The following FAM222B variants were observed in gnomAD, a reference collection of about 807,000 sequenced individuals.
FAM222B encodes family with sequence similarity 222 member B.
In FAM222B, 12 loss-of-function variants were observed where a neutral mutation model predicts 38.0. That is an observed-to-expected ratio of 0.32 (90% CI 0.20 to 0.51). FAM222B has a LOEUF of 0.51. Ranked by LOEUF, FAM222B falls within the 20% of genes least tolerant of loss-of-function variation. The pLI is 0.97. For synonymous variants in FAM222B, 329 were observed against 317.2 expected (o/e 1.04, Z -0.40); for missense variants, 716 against 754.2 (o/e 0.95, Z 0.59).
intron 1 of FAM222B, among the ~76,000 whole-genome samples, chr17:28,800,666 C>A (rs1014572206): frequency 6.6e-6 from 1 of 152,048 alleles, no homozygotes; most frequent in Non-Finnish European, 1.5e-5. Context: ...ATGAAAGGTT[C>A]TTTTTGTCTC....
intron 1 of FAM222B, among the ~76,000 whole-genome samples, chr17:28,770,108 TACC>T (rs1437551096): frequency 1.3e-5 from 2 of 152,176 alleles, no homozygotes; most frequent in East Asian, 1.9e-4. Context: ...CCTCACTTTT[TACC>T]ACCATCATTA....
At chr17:28,847,229 A>G (rs923905998), upstream of FAM222B, among the ~76,000 whole-genome samples, 1 of 151,742 alleles carries the variant, frequency 6.6e-6, no homozygotes, top group Non-Finnish European at 1.5e-5. Flanking sequence ...AAAAGAAAAA[A>G]AAAAGAAAAA....
At chr17:28,801,738 T>C (rs1323669088) in intron 1 of FAM222B, among the ~76,000 whole-genome samples, 3 of 152,074 alleles carry the variant, frequency 2.0e-5, no homozygotes, top group Admixed American at 2.0e-4. Context: ...ATGAGCTGTC[T>C]TCAACTTCTC....
At position 28,756,839 on chromosome 17, in the gene FAM222B, A is replaced by C. The variant is rs2034721543; in HGVS notation, c.*1431T>G. 1 of 152,524 alleles carries C rather than the reference A, an allele frequency of 6.6e-6. No individual in the cohort carries two copies. Among genetic ancestry groups the C allele is most frequent in the South Asian group, 2.1e-4 (1 of 4,828 alleles). The allele number at this position is 152,524 out of a possible 1,614,324, so 9.4% of individuals were successfully genotyped here. ...ACTAGAGAATTTCTGGCTAACGAACAGTAGTGGATAGTGAACAAAATGCAA... is the reference window on the plus strand; with the variant it reads ...ACTAGAGAATTTCTGGCTAACGAACCGTAGTGGATAGTGAACAAAATGCAA... On this transcript the variant is annotated 3_prime_UTR_variant, in exon 3 of 3. Coordinates refer to ENST00000581407, the MANE Select transcript of FAM222B (RefSeq NM_001077498.3).
At chr17:28,787,826 CTTTT>C (rs59467944) in intron 1 of FAM222B, among the ~76,000 whole-genome samples, 4 of 130,174 alleles carry the variant, frequency 3.1e-5, no homozygotes, top group Admixed American at 8.0e-5. Flanking sequence ...ATAAAGTAGT[CTTTT>C]TTTTTTTTTT....
intron 1 of FAM222B, among the ~76,000 whole-genome samples, chr17:28,822,831 A>T (rs2038296560): frequency 1.1e-5 from 1 of 89,090 alleles, no homozygotes; most frequent in Non-Finnish European, 2.0e-5. Flanking sequence ...AAAAAAAAAA[A>T]AATATATATA....
chr17:28,829,804 C>T (rs991435332), intron 1 of FAM222B, among the ~76,000 whole-genome samples: 1 of 151,972 alleles, frequency 6.6e-6, no homozygotes, highest in African/African-American at 2.4e-5. Flanking sequence ...TTTGTGAACA[C>T]AGATTTTTAT....
At chr17:28,833,412 T>C (rs1567900640) in intron 1 of FAM222B, among the ~76,000 whole-genome samples, 1 of 150,940 alleles carries the variant, frequency 6.6e-6, no homozygotes, top group Non-Finnish European at 1.5e-5. Flanking sequence ...AGGTCAGGAG[T>C]TCGAGACTAC....
chr17:28,837,487 T>C (rs904471312), intron 1 of FAM222B, among the ~76,000 whole-genome samples: 3 of 151,738 alleles, frequency 2.0e-5, no homozygotes, highest in African/African-American at 7.2e-5. Context: ...CAAATCTGAT[T>C]ACCCCTCCTT....
At chr17:28,820,031 C>G (rs1477193044) in intron 1 of FAM222B, among the ~76,000 whole-genome samples, 1 of 152,164 alleles carries the variant, frequency 6.6e-6, no homozygotes, top group African/African-American at 2.4e-5. Context: ...AAAAAAGATT[C>G]CAGTCCAACC....
intron 2 of FAM222B, among the ~76,000 whole-genome samples, chr17:28,763,633 G>T (rs902157515): frequency 2.6e-5 from 4 of 152,210 alleles, no homozygotes; most frequent in Admixed American, 6.5e-5. Context: ...TTCAAACACA[G>T]ATTTCAGAGT....
intron 1 of FAM222B, among the ~76,000 whole-genome samples, chr17:28,771,982 G>A (rs1263588950): frequency 2.0e-5 from 3 of 152,110 alleles, no homozygotes; most frequent in African/African-American, 4.8e-5. Flanking sequence ...GCATGAACCC[G>A]GGAGGCGGAG....
At chr17:28,795,127 C>A (rs2036878491) in intron 1 of FAM222B, among the ~76,000 whole-genome samples, 1 of 151,690 alleles carries the variant, frequency 6.6e-6, no homozygotes. Flanking sequence ...TCCTATACAG[C>A]AAAAGAGACG....
chr17:28,796,175 G>A (rs896916316), intron 1 of FAM222B, among the ~76,000 whole-genome samples: 14 of 152,274 alleles, frequency 9.2e-5, no homozygotes, highest in African/African-American at 3.4e-4. Flanking sequence ...AAACTGACTT[G>A]CAAGTAATTA....
rs531137393 is a variant in FAM222B, at chr17:28,758,290, G to A, written c.1669C>T (p.Gln557Ter). Residue 557 changes from glutamine to a stop codon, truncating the protein, a stop_gained, in exon 3 of 3, where the codon CAG (glutamine) becomes TAG (stop). Transcript: ENST00000581407. LOFTEE classifies it high-confidence loss of function. The part of the protein sequence containing the change: ...DPTESRSLHI[Q>*]HPGYR Reference sequence around the variant, plus strand: ...GCTACCTATCTATACCCTGGGTGCTGAATATGAAGACTTCGACTCTCTGTG... The same window carrying A: ...GCTACCTATCTATACCCTGGGTGCTAAATATGAAGACTTCGACTCTCTGTG... 2 of 1,594,138 alleles carry A rather than the reference G, an allele frequency of 1.3e-6. No homozygotes were observed. Among genetic ancestry groups the A allele is most frequent in the Non-Finnish European group, 1.7e-6 (2 of 1,170,620 alleles).
rs561567520 is a variant in FAM222B at position 28,853,791 on chromosome 17, C to T, written c.-41+1159G>A. Among the ~76,000 whole-genome samples, 3 of 152,100 alleles carry T rather than the reference C, an allele frequency of 2.0e-5. No individual in the cohort carries two copies. In the East Asian group the frequency reaches 5.8e-4, roughly 29 times the overall value. On this transcript the variant is annotated intron_variant, in intron 1 of 2. Transcript: ENST00000577513. Reference sequence around the variant, plus strand: ...CTGTAGTCCTAGCTACTCAAGAGGGCTGAAACTGGAAGATCGCTTGAACCC... The same window carrying T: ...CTGTAGTCCTAGCTACTCAAGAGGGTTGAAACTGGAAGATCGCTTGAACCC...
At chr17:28,818,320 A>G (rs569220557) in intron 1 of FAM222B, among the ~76,000 whole-genome samples, 2 of 152,230 alleles carry the variant, frequency 1.3e-5, no homozygotes, top group East Asian at 3.9e-4. Flanking sequence ...CGAGGTCAGG[A>G]GATCGAGACC....
intron 1 of FAM222B, among the ~76,000 whole-genome samples, chr17:28,837,646 GTT>G (rs1175762122): frequency 2.9e-5 from 4 of 140,116 alleles, no homozygotes; most frequent in East Asian, 2.1e-4. Flanking sequence ...ACTTCTTTTT[GTT>G]TTTTTTTTTT....
At chr17:28,801,451 CAAAAA>C (rs766189732) in intron 1 of FAM222B, among the ~76,000 whole-genome samples, 2 of 90,322 alleles carry the variant, frequency 2.2e-5, no homozygotes, top group Non-Finnish European at 4.6e-5. Flanking sequence ...GACTCCGTCT[CAAAAA>C]AAAAAAAAAA....
Sources: gnomAD v4.1 joint callset for allele counts (sites outside exome capture counted in the v4.1 genomes callset) on GRCh38, gnomAD v4.1.1 for gene constraint, MANE v1.5 for transcripts, NCBI Gene and HGNC (gene_info 2026-07-23, HGNC 2026-07-21) for gene names.